Variants in STRN observed in about 807,000 individuals in gnomAD.
The protein encoded by STRN is protein phosphatase 2 regulatory subunit B'''alpha.
A neutral mutation model predicts 96.3 loss-of-function variants in STRN; 53 were observed. The ratio of observed to expected loss-of-function variants is 0.55; its 90% CI spans 0.44 to 0.69. The LOEUF (loss-of-function observed/expected upper bound fraction) is 0.69. Ranked by LOEUF, STRN falls within the 30% of genes least tolerant of loss-of-function variation. The probability of loss-of-function intolerance (pLI) is 0.00; values close to 1 mark genes in which losing one functional copy is unlikely to be tolerated. For missense variants in STRN, 987 were observed against 963.9 expected, an observed-to-expected ratio of 1.02 and a Z score of -0.32; for synonymous variants, 428 against 355.9, an observed-to-expected ratio of 1.20 and a Z score of -2.28.
Position 36,838,980 on chromosome 2 carries a change from G to C in STRN, c.*10476C>G, listed in dbSNP as rs1667883695. Reference sequence around the variant, plus strand: ...TGAGAGACCTTTAAAAATTTGTAAGGTGCTCATGATACACATTATATTAGA... The same window carrying C: ...TGAGAGACCTTTAAAAATTTGTAAGCTGCTCATGATACACATTATATTAGA... On this transcript the variant is annotated 3_prime_UTR_variant, in exon 18 of 18. Coordinates refer to ENST00000263918, the MANE Select transcript of STRN (RefSeq NM_003162.4). Among the ~76,000 whole-genome samples the C allele has an allele frequency of 6.6e-6, 1 of 152,044 alleles. No individual in the cohort carries two copies. Among genetic ancestry groups the C allele is most frequent in the South Asian group, 2.1e-4 (1 of 4,826 alleles).
chr2:36,888,512 A>G (rs1669298610), intron 7 of STRN, among the ~76,000 whole-genome samples: 1 of 152,144 alleles, frequency 6.6e-6, no homozygotes, highest in Admixed American at 6.6e-5. Context: ...AGGCATTTGC[A>G]CTGGCTTTCT....
intron 8 of STRN, among the ~76,000 whole-genome samples, chr2:36,885,834 T>G (rs1350255105): frequency 2.6e-5 from 4 of 152,130 alleles, no homozygotes; most frequent in African/African-American, 9.6e-5. Flanking sequence ...TAATCTCACT[T>G]TATACTACCT....
intron 1 of STRN, among the ~76,000 whole-genome samples, chr2:36,932,742 T>C (rs1299989314): frequency 1.3e-5 from 2 of 152,158 alleles, no homozygotes; most frequent in African/African-American, 2.4e-5. Flanking sequence ...TGAAATGCTA[T>C]AGGAGATACT....
At chr2:36,872,547 G>A (rs1267001309) in intron 10 of STRN, among the ~76,000 whole-genome samples, 2 of 152,182 alleles carry the variant, frequency 1.3e-5, no homozygotes, top group Non-Finnish European at 2.9e-5. Context: ...TTTGTTTTAA[G>A]CCGCTAAGTT....
rs182657206 is a variant in STRN at position 36,901,324 on chromosome 2, G to A, written c.659+1260C>T. 3.1e-4 allele frequency among the ~76,000 whole-genome samples: 47 copies of A among 152,230 alleles called. 1 individual carries two copies. Among genetic ancestry groups the A allele is most frequent in the African/African-American group, 1.1e-3 (46 of 41,546 alleles). ...TCCCAGTACTTCAGGAGGCCAAGGCGGGTGGATCATGAGGTCAAGAGATGG... is the reference window on the plus strand; with the variant it reads ...TCCCAGTACTTCAGGAGGCCAAGGCAGGTGGATCATGAGGTCAAGAGATGG... On this transcript the variant is annotated intron_variant, in intron 5 of 17. Transcript: ENST00000263918.
chr2:36,914,001 A>G (rs1464639159), intron 3 of STRN, among the ~76,000 whole-genome samples: 4 of 151,516 alleles, frequency 2.6e-5, no homozygotes, highest in Admixed American at 6.6e-5. Context: ...TTTTTTTTTT[A>G]AGAGACAGGA....
intron 2 of STRN, among the ~76,000 whole-genome samples, chr2:36,920,825 C>T (rs1670233354): frequency 6.6e-6 from 1 of 151,906 alleles, no homozygotes; most frequent in Non-Finnish European, 1.5e-5. Context: ...GTCTGTGATC[C>T]CAACACTTTC....
chr2:36,963,715 T>G (rs1339628268), intron 1 of STRN, among the ~76,000 whole-genome samples: 2 of 152,154 alleles, frequency 1.3e-5, no homozygotes, highest in African/African-American at 4.8e-5. Context: ...ACCAGCACTT[T>G]GGGAGGCTGA....
At chr2:36,885,455 GATTAA>G (rs1669194855) in intron 8 of STRN, among the ~76,000 whole-genome samples, 1 of 152,102 alleles carries the variant, frequency 6.6e-6, no homozygotes, top group Admixed American at 6.6e-5. Flanking sequence ...TGCTTGTTAA[GATTAA>G]ATTGTCTATC....
In STRN at chr2:36,944,984, T is replaced by G. The variant is rs145513591; in HGVS notation, c.235-19776A>C. Among the ~76,000 whole-genome samples, 359 of 152,286 alleles carry G rather than the reference T, an allele frequency of 2.4e-3. 4 individuals carry two copies. Among genetic ancestry groups the G allele is most frequent in the African/African-American group, 8.4e-3 (349 of 41,550 alleles). ...CCAGAGCAGTCATTCTGGAAAGCAA[T>G]GTGCAGTACTTAGTCAAATCAAGTG... On this transcript the variant is annotated intron_variant, in intron 1 of 17. Transcript: ENST00000263918.
chr2:36,957,245 A>C (rs775499185), intron 1 of STRN, among the ~76,000 whole-genome samples: 1 of 152,190 alleles, frequency 6.6e-6, no homozygotes, highest in Non-Finnish European at 1.5e-5. Flanking sequence ...TTCACAACCA[A>C]AATTCACATC....
intron 3 of STRN, among the ~76,000 whole-genome samples, chr2:36,912,168 A>G (rs1016680437): frequency 7.9e-5 from 12 of 152,086 alleles, no homozygotes; most frequent in Non-Finnish European, 1.6e-4. Context: ...TCTTCAGATT[A>G]TCTTCCTATT....
At chr2:36,882,507 C>T (rs1269400620) in intron 9 of STRN, among the ~76,000 whole-genome samples, 1 of 152,200 alleles carries the variant, frequency 6.6e-6, no homozygotes, top group Non-Finnish European at 1.5e-5. Flanking sequence ...TGGCTCATGC[C>T]TGTAATCCCA....
intron 5 of STRN, among the ~76,000 whole-genome samples, chr2:36,902,186 T>G (rs980230633): frequency 6.6e-6 from 1 of 152,180 alleles, no homozygotes; most frequent in Non-Finnish European, 1.5e-5. Flanking sequence ...ACAACATTAA[T>G]AGATAAACAA....
chr2:36,866,834 T>TA (rs1668641439), intron 12 of STRN, among the ~76,000 whole-genome samples: 1 of 152,222 alleles, frequency 6.6e-6, no homozygotes, highest in Admixed American at 6.5e-5. Flanking sequence ...TGTCTGAAAT[T>TA]AGAGTAGCAA....
intron 12 of STRN, among the ~76,000 whole-genome samples, chr2:36,864,272 G>A (rs1450359056): frequency 2.0e-5 from 3 of 152,160 alleles, no homozygotes; most frequent in Admixed American, 2.0e-4. Flanking sequence ...AGTTCAGTAT[G>A]ATTTTGCAGG....
intron 1 of STRN, among the ~76,000 whole-genome samples, chr2:36,937,359 G>A (rs28663529): frequency 4.9e-4 from 67 of 136,814 alleles, no homozygotes; most frequent in African/African-American, 1.0e-3. Context: ...AAAAAAAAAA[G>A]AAAAGAAAAG....
intron 5 of STRN, among the ~76,000 whole-genome samples, chr2:36,901,537 G>C (rs1442070132): frequency 3.2e-5 from 4 of 126,426 alleles, no homozygotes; most frequent in Non-Finnish European, 6.5e-5. Context: ...GGGTGACAGA[G>C]CGAGACTCCG....
intron 8 of STRN, among the ~76,000 whole-genome samples, chr2:36,885,571 T>C (rs1252595197): frequency 6.6e-6 from 1 of 152,156 alleles, no homozygotes; most frequent in African/African-American, 2.4e-5. Flanking sequence ...TACAACATCA[T>C]CTCTCATTAT....
Sources: allele counts gnomAD v4.1 joint callset (sites outside exome capture counted in the v4.1 genomes callset), GRCh38; gene constraint gnomAD v4.1.1; transcripts MANE v1.5; gene names NCBI Gene and HGNC (gene_info 2026-07-23, HGNC 2026-07-21).